The following PATL2 variants were observed in gnomAD, a reference collection of about 807,000 sequenced individuals.
The protein encoded by PATL2 is protein PAT1 homolog 2.
In PATL2, 73 loss-of-function variants were observed where a neutral mutation model predicts 77.0. The ratio of observed to expected loss-of-function variants is 0.95; its 90% CI spans 0.78 to 1.15. The LOEUF (loss-of-function observed/expected upper bound fraction) is 1.15. PATL2 is among the 50% of genes most tolerant of loss of function. The probability of loss-of-function intolerance (pLI) is 0.00; values close to 1 mark genes in which losing one functional copy is unlikely to be tolerated. For synonymous variants in PATL2, 265 were observed against 257.1 expected, an observed-to-expected ratio of 1.03 and a Z score of -0.29; for missense variants, 618 against 655.4, an observed-to-expected ratio of 0.94 and a Z score of 0.62.
intron 3 of PATL2, among the ~76,000 whole-genome samples, chr15:44,687,209 T>A (rs887957221): frequency 6.6e-6 from 1 of 152,190 alleles, no homozygotes; most frequent in African/African-American, 2.4e-5. Flanking sequence ...TTATCCACCA[T>A]GATCAAGTCA....
chr15:44,671,091 G>A (rs908434242), intron 9 of PATL2, among the ~76,000 whole-genome samples: 4 of 152,316 alleles, frequency 2.6e-5, no homozygotes, highest in Admixed American at 2.0e-4. Flanking sequence ...GCAGAAAAAG[G>A]AGGGCTTTTG....
intron 3 of PATL2, among the ~76,000 whole-genome samples, chr15:44,689,147 C>A (rs764174285): frequency 6.6e-6 from 1 of 152,150 alleles, no homozygotes; most frequent in African/African-American, 2.4e-5. Flanking sequence ...AAATGCAAAT[C>A]AAAACCACAA....
chr15:44,708,103 G>A (rs1173241318), intron 3 of PATL2, among the ~76,000 whole-genome samples: 1 of 152,250 alleles, frequency 6.6e-6, no homozygotes, highest in East Asian at 1.9e-4. Flanking sequence ...GCCGCTGCCG[G>A]CGAATGGGGG....
rs1193895112 is a variant in PATL2, at chr15:44,691,503, C to A, written c.-75-14938G>T. Among the ~76,000 whole-genome samples the A allele has an allele frequency of 2.6e-5, 4 of 151,956 alleles. No individual in the cohort carries two copies. In the East Asian group the frequency reaches 7.7e-4, roughly 29 times the overall value. ...CAAAAACCCGTCTCTACTAAAAATACAACAGTTATCTGAGTGTGGTGGCAT... is the reference window on the plus strand; with the variant it reads ...CAAAAACCCGTCTCTACTAAAAATAAAACAGTTATCTGAGTGTGGTGGCAT... On this transcript the variant is annotated intron_variant, in intron 3 of 17. Transcript: ENST00000682850.
At chr15:44,703,558 T>C (rs2086672438) in intron 3 of PATL2, among the ~76,000 whole-genome samples, 1 of 151,970 alleles carries the variant, frequency 6.6e-6, no homozygotes, top group Non-Finnish European at 1.5e-5. Context: ...TCTCTTTTTA[T>C]AGTTTTTGTC....
intron 4 of PATL2, 170 bp downstream of exon 4, chr15:44,676,301 AAAAT>A (rs1411064017): frequency 1.5e-6 from 1 of 646,020 alleles, no homozygotes; most frequent in Non-Finnish European, 2.8e-6. Context: ...GTTGGTGAGA[AAAAT>A]AAAGCCCAGA....
intron 8 of PATL2, 37 bp from the exon 9 acceptor site, chr15:44,672,193 AC>A (rs1405123060): frequency 6.4e-7 from 1 of 1,551,546 alleles, no homozygotes; most frequent in Admixed American, 2.0e-5. Flanking sequence ...AGACTTACCC[AC>A]CACTGGCACT....
At chr15:44,671,187 T>A (rs904227117) in intron 9 of PATL2, among the ~76,000 whole-genome samples, 4 of 151,984 alleles carry the variant, frequency 2.6e-5, no homozygotes, top group Non-Finnish European at 5.9e-5. Context: ...TCCCAGATGT[T>A]GAGGTGAAAG....
chr15:44,711,352 T>C (rs2086858038), upstream of PATL2: 3 of 691,258 alleles, frequency 4.3e-6, no homozygotes, highest in Non-Finnish European at 7.7e-6. Flanking sequence ...GCATGCCTTC[T>C]TAAACATCAC....
intron 3 of PATL2, among the ~76,000 whole-genome samples, chr15:44,683,075 C>T (rs2086170050): frequency 6.6e-6 from 1 of 152,230 alleles, no homozygotes; most frequent in South Asian, 2.1e-4. Context: ...CTACGCTTTT[C>T]CCATCCTCTT....
rs2085838443 is a variant in PATL2 at position 44,674,247 on chromosome 15, G to A, written c.223-17C>T. On this transcript the variant is annotated splice_polypyrimidine_tract_variant and intron_variant, in intron 5 of 17. Transcript: ENST00000682850. ...CAGAGCTCTCTGGAACAGGAGGGAG[G>A]AAAAACCAGGCTCAAATGGGCCCCT... 3 of 1,517,020 alleles carry A rather than the reference G, an allele frequency of 2.0e-6. No homozygotes were observed. In the South Asian group the frequency reaches 3.6e-5, roughly 18 times the overall value. 94.0% of individuals were successfully genotyped at this position (1,517,020 alleles called of 1,614,324 possible).
At chr15:44,686,462 A>T (rs939938111) in intron 3 of PATL2, among the ~76,000 whole-genome samples, 1 of 152,220 alleles carries the variant, frequency 6.6e-6, no homozygotes, top group Admixed American at 6.5e-5. Context: ...AGTAGGAAAG[A>T]TCTAAAATTG....
At chr15:44,674,568 T>A (rs903244164) in intron 5 of PATL2, among the ~76,000 whole-genome samples, 1 of 152,112 alleles carries the variant, frequency 6.6e-6, no homozygotes, top group Admixed American at 6.5e-5. Flanking sequence ...TATATATATT[T>A]AAAAAAAATT....
intron 3 of PATL2, among the ~76,000 whole-genome samples, chr15:44,699,858 T>C (rs1485164936): frequency 6.6e-6 from 1 of 152,236 alleles, no homozygotes; most frequent in South Asian, 2.1e-4. Context: ...CATTGGTTTA[T>C]GTGTCTGTTT....
At chr15:44,677,008 G>A in intron 3 of PATL2, 3 of 660,014 alleles carry the variant, frequency 4.5e-6, no homozygotes, top group Non-Finnish European at 5.6e-6. Flanking sequence ...ATTGGGGCCT[G>A]ATGGAAATAT....
intron 4 of PATL2, 149 bp downstream of exon 4, chr15:44,676,326 T>C (rs2085952576): frequency 1.3e-6 from 1 of 749,664 alleles, no homozygotes; most frequent in African/African-American, 1.7e-5. Context: ...AGAGTGACCT[T>C]TCAGTCACCC....
chr15:44,666,118 C>G, intron 17 of PATL2, 147 bp from the exon 18 acceptor site: 1 of 900,006 alleles, frequency 1.1e-6, no homozygotes, highest in South Asian at 1.8e-5. Flanking sequence ...ATAGTTGTCC[C>G]TCAAGTATTT....
At chr15:44,667,246 A>T (rs2085421777) in intron 15 of PATL2, 43 bp from the exon 16 acceptor site, 2 of 1,421,784 alleles carry the variant, frequency 1.4e-6, no homozygotes, top group African/African-American at 2.8e-5. Context: ...ATGAGTTCAC[A>T]CTCGGCATTT....
chr15:44,690,184 C>T (rs1373717728), intron 3 of PATL2, among the ~76,000 whole-genome samples: 3 of 151,940 alleles, frequency 2.0e-5, no homozygotes, highest in African/African-American at 2.4e-5. Context: ...AGCGAAACTC[C>T]GTCTCAAAAA....
Sources: allele counts gnomAD v4.1 joint callset (sites outside exome capture counted in the v4.1 genomes callset), GRCh38; gene constraint gnomAD v4.1.1; transcripts MANE v1.5; gene names NCBI Gene and HGNC (gene_info 2026-07-23, HGNC 2026-07-21).